GPHN: variants seen among roughly 807,000 people sequenced by gnomAD.
The protein encoded by GPHN is gephyrin.
In GPHN, 17 loss-of-function variants were observed where a neutral mutation model predicts 95.5. The observed-to-expected ratio is 0.18, with a 90% confidence interval of 0.12 to 0.27. The LOEUF (loss-of-function observed/expected upper bound fraction) is 0.27. Among genes scored for constraint, GPHN ranks in the 10% least tolerant of loss-of-function variants. GPHN has a pLI of 1.00. For synonymous variants in GPHN, 320 were observed against 322.5 expected, an observed-to-expected ratio of 0.99 and a Z score of 0.08; for missense variants, 660 against 978.1, an observed-to-expected ratio of 0.67 and a Z score of 4.34.
the GPHN span, among the ~76,000 whole-genome samples, chr14:67,439,515 G>A: frequency 6.6e-6 from 1 of 150,726 alleles, no homozygotes; most frequent in Non-Finnish European, 1.5e-5. Flanking sequence ...GGACCTAAGA[G>A]TTCCATGAAA....
chr14:67,137,643 T>C (rs2080175131), intron 17 of GPHN, among the ~76,000 whole-genome samples: 1 of 152,008 alleles, frequency 6.6e-6, no homozygotes, highest in Admixed American at 6.5e-5. Flanking sequence ...CGCACTCTTG[T>C]GGTCCCAGCT....
At chr14:67,587,435 C>T in the GPHN span, 1 of 623,320 alleles carries the variant, frequency 1.6e-6, no homozygotes, top group Non-Finnish European at 2.8e-6. Flanking sequence ...AAAATCCAGA[C>T]CCAGTGTTAA....
the GPHN span, among the ~76,000 whole-genome samples, chr14:67,188,140 G>C: frequency 6.6e-6 from 1 of 152,170 alleles, no homozygotes; most frequent in African/African-American, 2.4e-5. Context: ...ATGCAGGCGT[G>C]AATAGGCAGG....
At chr14:66,806,739 C>A (rs773279519) in intron 3 of GPHN, among the ~76,000 whole-genome samples, 10 of 152,214 alleles carry the variant, frequency 6.6e-5, no homozygotes, top group Non-Finnish European at 1.3e-4. Context: ...TTCCTCATCT[C>A]CATCTGAGAC....
the GPHN span, among the ~76,000 whole-genome samples, chr14:67,276,280 T>G: frequency 6.6e-6 from 1 of 152,228 alleles, no homozygotes; most frequent in Non-Finnish European, 1.5e-5. Context: ...CATGTTCCCA[T>G]TGTCCCATCC....
At chr14:67,336,596 AG>A in the GPHN span, 1 of 394,590 alleles carries the variant, frequency 2.5e-6, no homozygotes, top group Non-Finnish European at 5.1e-6. Flanking sequence ...CCTCCTAGAA[AG>A]GCAGTACGTA....
chr14:67,504,116 C>T, the GPHN span, among the ~76,000 whole-genome samples: 2 of 152,012 alleles, frequency 1.3e-5, no homozygotes, highest in East Asian at 1.9e-4. Context: ...TGGGTTCAAG[C>T]GATTCTCCTG....
chr14:66,538,221 T>C (rs947998840), intron 1 of GPHN, among the ~76,000 whole-genome samples: 23 of 152,308 alleles, frequency 1.5e-4, no homozygotes, highest in South Asian at 4.1e-4. Context: ...TTTTTTTGGC[T>C]GCATTTAAGA....
chr14:66,865,256 G>A (rs781609093), intron 4 of GPHN, among the ~76,000 whole-genome samples: 39 of 151,742 alleles, frequency 2.6e-4, no homozygotes, highest in Non-Finnish European at 2.4e-4. Context: ...TAATTGGATT[G>A]ACTAACACAA....
At chr14:67,228,767 T>A in the GPHN span, among the ~76,000 whole-genome samples, 2 of 152,250 alleles carry the variant, frequency 1.3e-5, no homozygotes, top group Non-Finnish European at 2.9e-5. Flanking sequence ...AACACTGTTT[T>A]GTTTCTAACA....
At chr14:66,776,572 G>T (rs2059389370) in intron 3 of GPHN, 51 bp downstream of exon 3, 1 of 1,036,794 alleles carries the variant, frequency 9.6e-7, no homozygotes, top group Non-Finnish European at 1.5e-6. Flanking sequence ...CTTGGTGAGG[G>T]GTGGGGAAGA....
At chr14:66,546,657 A>G (rs893045931) in intron 1 of GPHN, among the ~76,000 whole-genome samples, 1 of 151,956 alleles carries the variant, frequency 6.6e-6, no homozygotes, top group Non-Finnish European at 1.5e-5. Context: ...CTGCAATCGC[A>G]GGCACTCAGC....
the GPHN span, chr14:67,515,342 C>CTA: frequency 1.9e-5 from 3 of 160,962 alleles, no homozygotes; most frequent in African/African-American, 7.2e-5. Context: ...TGTGTGTCGG[C>CTA]GTCCGCCGCG....
At chr14:67,170,028 A>C (rs2082508013) in intron 21 of GPHN, among the ~76,000 whole-genome samples, 1 of 152,230 alleles carries the variant, frequency 6.6e-6, no homozygotes, top group Non-Finnish European at 1.5e-5. Flanking sequence ...CAGTGAGCCG[A>C]GATTATGCCA....
intron 16 of GPHN, among the ~76,000 whole-genome samples, chr14:67,117,302 G>A (rs1387859640): frequency 1.3e-5 from 2 of 152,166 alleles, no homozygotes; most frequent in Non-Finnish European, 2.9e-5. Flanking sequence ...ACTTTCAAGT[G>A]AATAATTGTA....
intron 9 of GPHN, among the ~76,000 whole-genome samples, chr14:67,018,853 A>G (rs929955515): frequency 3.9e-5 from 6 of 152,112 alleles, no homozygotes; most frequent in African/African-American, 1.4e-4. Context: ...GAGGAAACTG[A>G]GATTATGGGA....
At position 66,578,684 on chromosome 14, in the gene GPHN, A is replaced by G. The variant is rs1275844516; in HGVS notation, c.64+70093A>G. Among the ~76,000 whole-genome samples the G allele has an allele frequency of 3.1e-4, 46 of 149,998 alleles. 1 individual carries two copies. Among genetic ancestry groups the G allele is most frequent in the Admixed American group, 3.1e-3 (46 of 15,050 alleles). ...AAAAAAAAAAAAAAAGCAAACAAAAATTTCTTGCTCAAAGAAAGAAAAAAA... is the reference window on the plus strand; with the variant it reads ...AAAAAAAAAAAAAAAGCAAACAAAAGTTTCTTGCTCAAAGAAAGAAAAAAA... On this transcript the variant is annotated intron_variant, in intron 1 of 22. Coordinates refer to ENST00000478722, the MANE Select transcript of GPHN (RefSeq NM_020806.5).
chr14:66,691,103 A>G (rs541695687), intron 2 of GPHN, among the ~76,000 whole-genome samples: 1 of 152,118 alleles, frequency 6.6e-6, no homozygotes, highest in South Asian at 2.1e-4. Flanking sequence ...GCACTTTGGG[A>G]GACTGAGGTG....
the GPHN span, among the ~76,000 whole-genome samples, chr14:67,566,460 T>C: frequency 4.8e-4 from 73 of 152,114 alleles, 1 homozygote; most frequent in Middle Eastern, 0.014. Flanking sequence ...AGAGTAGGTC[T>C]TGAGCCGGGT....
Sources: gnomAD v4.1 joint callset for allele counts (sites outside exome capture counted in the v4.1 genomes callset) on GRCh38, gnomAD v4.1.1 for gene constraint, MANE v1.5 for transcripts, NCBI Gene and HGNC (gene_info 2026-07-23, HGNC 2026-07-21) for gene names.